Variants in ZCCHC8 observed in about 807,000 individuals in gnomAD.
ZCCHC8 encodes zinc finger CCHC domain-containing protein 8.
In ZCCHC8, 27 loss-of-function variants were observed where a neutral mutation model predicts 70.6. That is an observed-to-expected ratio of 0.38 (90% CI 0.28 to 0.53). ZCCHC8 has a LOEUF of 0.53. Ranked by LOEUF, ZCCHC8 falls within the 20% of genes least tolerant of loss-of-function variation. ZCCHC8 has a pLI of 0.81. For missense variants in ZCCHC8, 737 were observed against 876.9 expected (o/e 0.84, Z 2.01); for synonymous variants, 293 against 317.4 (o/e 0.92, Z 0.82).
chr12:122,478,706 GCAT>G, intron 11 of ZCCHC8, among the ~76,000 whole-genome samples: 1 of 151,956 alleles, frequency 6.6e-6, no homozygotes, highest in South Asian at 2.1e-4. Flanking sequence ...TCCAAATACA[GCAT>G]CATCTTTAAA....
intron 2 of ZCCHC8, 82 bp from the exon 3 acceptor site, chr12:122,492,871 C>CTT: frequency 1.0e-6 from 1 of 975,890 alleles, no homozygotes; most frequent in Non-Finnish European, 1.5e-6. Context: ...AACTTTTATA[C>CTT]TTTTTTTTTC....
intron 4 of ZCCHC8, 136 bp from the exon 5 acceptor site, chr12:122,489,599 G>C: frequency 3.7e-6 from 3 of 805,502 alleles, no homozygotes; most frequent in Non-Finnish European, 6.1e-6. Context: ...GATGTAAAAG[G>C]AGAGCTTCTT....
At chr12:122,484,544 T>C (rs935776355) in intron 5 of ZCCHC8, among the ~76,000 whole-genome samples, 14 of 151,494 alleles carry the variant, frequency 9.2e-5, no homozygotes, top group African/African-American at 3.4e-4. Context: ...TCCTGAGTAG[T>C]TGTGTCACTA....
chr12:122,485,868 G>C (rs973466748), intron 5 of ZCCHC8, among the ~76,000 whole-genome samples: 2 of 151,928 alleles, frequency 1.3e-5, no homozygotes, highest in Admixed American at 6.6e-5. Context: ...ACTGGCACTC[G>C]GGCCAAAAAC....
chr12:122,499,264 T>G, intron 1 of ZCCHC8: 1 of 197,210 alleles, frequency 5.1e-6, no homozygotes, highest in East Asian at 1.5e-4. Flanking sequence ...GTAGAATCCT[T>G]TCAACTTTTT....
In ZCCHC8 at chr12:122,500,543, C is replaced by T. The variant is rs1489478137; in HGVS notation, c.199+99G>A. The T allele has an allele frequency of 2.9e-6, 4 of 1,377,460 alleles. No homozygotes were observed. The highest frequency in any genetic ancestry group is 2.8e-5 in the Admixed American group (1 of 36,124). 85.3% of individuals were successfully genotyped at this position (1,377,460 alleles called of 1,614,324 possible). A position where few individuals can be genotyped will look rare whatever the true frequency, so the allele number is the denominator to read the frequency against. On this transcript the variant is annotated intron_variant, in intron 1 of 13. Transcript: ENST00000633063. The surrounding 1 kb of genome is among the most constrained non-coding windows in gnomAD (Gnocchi z 4.8). ...AATTCTGGCCCTCCTGGAACTTCCG[C>T]CCGCGCCCTCGCCCTCGCCCGGCGC...
rs773129638 is a variant in ZCCHC8, at chr12:122,483,377, T to C, written c.606-33A>G. On this transcript the variant is annotated intron_variant, in intron 6 of 13. Transcript: ENST00000633063. This position sits in a 1 kb window ranked among gnomAD's most constrained non-coding sequence, Gnocchi z 4.4. ...GAATTTTATTAAGGAATAGTTATCA[T>C]GGTCTGCAAAATTTGGAAATTGTTT... is the stretch of plus-strand genomic sequence containing the variant. The C allele has an allele frequency of 1.0e-5, 16 of 1,576,854 alleles. No homozygotes were observed. The highest frequency in any genetic ancestry group is 5.5e-5 in the Admixed American group (3 of 54,224).
In ZCCHC8 at chr12:122,473,619, T is replaced by C. The variant is rs372521431; in HGVS notation, c.2002A>G (p.Thr668Ala). Residue 668 changes from threonine (T) to alanine (A), a missense_variant, in exon 14 of 14, where the codon ACT becomes GCT. Transcript: ENST00000633063. ...SPIPDMSKFA[T>A]GITPFEFENM... ...TCAAATTCAAATGGCGTGATTCCAG[T>C]TGCAAATTTGCTCATGTCAGGTATA... 5.3e-5 allele frequency: 86 copies of C among 1,613,998 alleles called. No homozygotes were observed. The African/African-American group carries it at 9.5e-4, about 18-fold the overall frequency.
At chr12:122,474,517 C>A (rs1389010611) in intron 13 of ZCCHC8, among the ~76,000 whole-genome samples, 1 of 152,120 alleles carries the variant, frequency 6.6e-6, no homozygotes. Flanking sequence ...CTCGGGAGAT[C>A]TGTTTCTGTG....
rs1419200436 is a variant in ZCCHC8, at chr12:122,483,232, T to C, written c.671+47A>G. ...TTTTCAAGCCAAAAGTTTATGATTT[T>C]GGTTAAAAAAGTAAATAAGTAAAAC... On this transcript the variant is annotated intron_variant, in intron 7 of 13. Coordinates refer to ENST00000633063, the MANE Select transcript of ZCCHC8 (RefSeq NM_017612.5). This position sits in a 1 kb window ranked among gnomAD's most constrained non-coding sequence, Gnocchi z 4.4. The C allele has an allele frequency of 1.3e-6, 2 of 1,521,644 alleles. No individual in the cohort carries two copies. The highest frequency in any genetic ancestry group is 1.8e-6 in the Non-Finnish European group (2 of 1,123,396). The allele number at this position is 1,521,644 out of a possible 1,614,324, so 94.3% of individuals were successfully genotyped here.
Position 122,498,811 on chromosome 12 carries a change from T to C in ZCCHC8, c.242+16A>G. ...TAATAAGGGACAACTATGGAGTAAT[T>C]TCAAAAATCTCATACCTCGGTCGAG... On this transcript the variant is annotated intron_variant, in intron 2 of 13. Transcript: ENST00000633063. 1.2e-6 allele frequency: 2 copies of C among 1,611,992 alleles called. No individual in the cohort carries two copies. The highest frequency in any genetic ancestry group is 1.7e-6 in the Non-Finnish European group (2 of 1,178,472).
Position 122,482,064 on chromosome 12 carries a change from A to G in ZCCHC8, c.756T>C (p.Ser252=), listed in dbSNP as rs780311864. ...CPMPRNAARI[S]EKRKEYMDAC... ...CATCCATATACTCTTTTCTCTTTTC[A>G]CTTATTCGAGCAGCATTCCGAGGCT... Residue 252 remains serine (S), a synonymous_variant, in exon 9 of 14, where the codon AGT becomes AGC. Transcript: ENST00000633063. 6.2e-7 allele frequency: 1 copy of G among 1,609,814 alleles called. No homozygotes were observed. The highest frequency in any genetic ancestry group is 1.1e-5 in the South Asian group (1 of 90,424).
chr12:122,490,660 ATGT>A (rs1037364473), intron 3 of ZCCHC8, 93 bp from the exon 4 acceptor site: 6 of 697,148 alleles, frequency 8.6e-6, no homozygotes, highest in African/African-American at 3.6e-5. Flanking sequence ...TCAAGTGTGA[ATGT>A]TGTTGTTTTT....
At chr12:122,478,381 A>G (rs1399788769) in intron 11 of ZCCHC8, 89 bp from the exon 12 acceptor site, 3 of 832,764 alleles carry the variant, frequency 3.6e-6, no homozygotes, top group Non-Finnish European at 5.7e-6. Flanking sequence ...TACAGTGGAG[A>G]TCTCAAATTA....
At chr12:122,496,128 C>A (rs559168095) in intron 2 of ZCCHC8, among the ~76,000 whole-genome samples, 1 of 151,926 alleles carries the variant, frequency 6.6e-6, no homozygotes, top group East Asian at 1.9e-4. Flanking sequence ...AACTGCACGA[C>A]TGCAGTCCAG....
rs781186049 is a variant in ZCCHC8 at position 122,483,672 on chromosome 12, T to C, written c.502-109A>G. 3.3e-6 allele frequency: 3 copies of C among 916,678 alleles called. No individual in the cohort carries two copies. Among genetic ancestry groups the C allele is most frequent in the Non-Finnish European group, 4.9e-6 (3 of 607,684 alleles). The allele number at this position is 916,678 out of a possible 1,614,324, so 56.8% of individuals were successfully genotyped here. ...ACAATTTATTTTTGGATGGAATTAT[T>C]AGAAATAATAACTTCCTTGTTATTA... On this transcript the variant is annotated intron_variant, in intron 5 of 13. Transcript: ENST00000633063. The surrounding 1 kb of genome is among the most constrained non-coding windows in gnomAD (Gnocchi z 4.4).
Position 122,490,585 on chromosome 12 carries a change from AT to A in ZCCHC8, c.318-19del. 2.0e-6 allele frequency: 3 copies of A among 1,536,198 alleles called. No individual in the cohort carries two copies. Among genetic ancestry groups the A allele is most frequent in the Non-Finnish European group, 2.7e-6 (3 of 1,118,734 alleles). On this transcript the variant is annotated intron_variant, in intron 3 of 13. Transcript: ENST00000633063. The stretch of plus-strand genomic sequence containing the variant: ...GATATTGCCTGTGTAAGAGGACAAA[AT>A]GGTCAGAACCCAGACAGAGTAAAAC...
intron 5 of ZCCHC8, among the ~76,000 whole-genome samples, chr12:122,485,537 T>C (rs1371710051): frequency 6.6e-6 from 1 of 152,188 alleles, no homozygotes; most frequent in Non-Finnish European, 1.5e-5. Context: ...TATATGGAAG[T>C]GTCAACTTGA....
Position 122,473,662 on chromosome 12 carries a change from G to A in ZCCHC8, c.1959C>T (p.Ala653=), listed in dbSNP as rs762872125. The change falls in exon 14 of 14, where the codon GCC becomes GCT. Residue 653 remains alanine, a synonymous_variant. Coordinates refer to ENST00000633063, the MANE Select transcript of ZCCHC8 (RefSeq NM_017612.5). ...LFPADTSPST[A]TKIHSPIPDM... is the part of the protein sequence containing the mutation. The stretch of plus-strand genomic sequence containing the variant: ...CAGGTATAGGGCTATGAATTTTAGT[G>A]GCCGTTGAAGGACTGGTGTCTGCAG... The A allele has an allele frequency of 6.8e-6, 11 of 1,613,846 alleles. No individual in the cohort carries two copies. The Admixed American group carries it at 1.8e-4, about 27-fold the overall frequency.
Sources: allele counts gnomAD v4.1 joint callset (sites outside exome capture counted in the v4.1 genomes callset), GRCh38; gene constraint gnomAD v4.1.1; non-coding constraint Gnocchi (gnomAD v3.1); transcripts MANE v1.5; gene names NCBI Gene and HGNC (gene_info 2026-07-23, HGNC 2026-07-21).